Variants in NTM observed in about 807,000 individuals in gnomAD.
The protein encoded by NTM is IgLON family member 2.
NTM carries 13 observed loss-of-function variants against 42.1 expected under a neutral mutation model. That is an observed-to-expected ratio of 0.31 (90% CI 0.20 to 0.49). The LOEUF is 0.49. Ranked by LOEUF, NTM falls within the 20% of genes least tolerant of loss-of-function variation. The pLI is 0.99. For synonymous variants in NTM, 187 were observed against 179.2 expected, an observed-to-expected ratio of 1.04 and a Z score of -0.35; for missense variants, 373 against 452.8, an observed-to-expected ratio of 0.82 and a Z score of 1.60.
chr11:131,809,778 C>A (rs999702073), intron 1 of NTM, among the ~76,000 whole-genome samples: 1 of 152,168 alleles, frequency 6.6e-6, no homozygotes, highest in African/African-American at 2.4e-5. Context: ...TTGTCAAAGA[C>A]GTGGGCCAGG....
intron 1 of NTM, among the ~76,000 whole-genome samples, chr11:131,826,984 T>C (rs947353024): frequency 2.6e-5 from 4 of 151,966 alleles, no homozygotes; most frequent in Non-Finnish European, 4.4e-5. Context: ...TGGCTGGAGG[T>C]GGTAGTGCCC....
chr11:132,131,096 T>C (rs2066739340), intron 2 of NTM, among the ~76,000 whole-genome samples: 1 of 152,382 alleles, frequency 6.6e-6, no homozygotes. Flanking sequence ...ATGAAATGTC[T>C]GCTGCATTCT....
intron 1 of NTM, among the ~76,000 whole-genome samples, chr11:131,415,787 G>A (rs916334541): frequency 3.3e-5 from 5 of 152,184 alleles, no homozygotes; most frequent in African/African-American, 2.4e-5. Context: ...CCTAAACCAC[G>A]ATGACTCTTG....
chr11:132,320,662 G>A (rs1303726445), intron 7 of NTM, among the ~76,000 whole-genome samples: 1 of 152,170 alleles, frequency 6.6e-6, no homozygotes, highest in Non-Finnish European at 1.5e-5. Context: ...CTCGAACTGG[G>A]TGGAGCCCAC....
At chr11:132,233,145 G>A (rs1028962866) in intron 4 of NTM, among the ~76,000 whole-genome samples, 3 of 152,140 alleles carry the variant, frequency 2.0e-5, no homozygotes, top group Non-Finnish European at 4.4e-5. Context: ...AGACAGGCAC[G>A]GGGACTCACG....
intron 2 of NTM, among the ~76,000 whole-genome samples, chr11:131,916,997 AAAT>A (rs1178979060): frequency 1.3e-5 from 2 of 152,192 alleles, no homozygotes; most frequent in African/African-American, 2.4e-5. Context: ...TACCAAATCA[AAAT>A]AATCCTCTAC....
In NTM at chr11:132,091,793, T is replaced by C. The variant is rs532035618; in HGVS notation, c.168-54489T>C. Among the ~76,000 whole-genome samples the C allele has an allele frequency of 2.6e-5, 4 of 152,336 alleles. No homozygotes were observed. The East Asian group carries it at 7.7e-4, about 29-fold the overall frequency. On this transcript the variant is annotated intron_variant, in intron 2 of 8. Coordinates refer to ENST00000683400, the MANE Select transcript of NTM (RefSeq NM_001352005.2). ...CACCATGCCCAGTCCCACGTGTTTTTATTACCTGTTTAACTTTACCATTAT... is the reference window on the plus strand; with the variant it reads ...CACCATGCCCAGTCCCACGTGTTTTCATTACCTGTTTAACTTTACCATTAT...
chr11:131,633,111 G>T (rs1323081674), intron 1 of NTM, among the ~76,000 whole-genome samples: 1 of 152,144 alleles, frequency 6.6e-6, no homozygotes, highest in Non-Finnish European at 1.5e-5. Context: ...CACATCAGCT[G>T]AGCCTGTTTG....
intron 3 of NTM, among the ~76,000 whole-genome samples, chr11:132,162,997 C>A (rs557388588): frequency 1.3e-5 from 2 of 149,880 alleles, no homozygotes; most frequent in African/African-American, 4.8e-5. Context: ...ACCTAACTCT[C>A]CCCTGGTCCA....
At chr11:131,915,773 G>T (rs1239290795) in intron 2 of NTM, among the ~76,000 whole-genome samples, 3 of 152,204 alleles carry the variant, frequency 2.0e-5, no homozygotes, top group Non-Finnish European at 2.9e-5. Flanking sequence ...AAAGCCAAGA[G>T]AAAGGGGAAA....
intron 1 of NTM, among the ~76,000 whole-genome samples, chr11:131,483,611 C>T (rs1953849230): frequency 6.6e-6 from 1 of 152,214 alleles, no homozygotes; most frequent in Non-Finnish European, 1.5e-5. Context: ...GCTCCCCTTG[C>T]CAGGCTCATC....
Position 132,141,880 on chromosome 11 carries a change from G to A in NTM, c.168-4402G>A, listed in dbSNP as rs760808423. 3.9e-5 allele frequency among the ~76,000 whole-genome samples: 6 copies of A among 152,188 alleles called. No individual in the cohort carries two copies. The South Asian group carries it at 6.2e-4, about 16-fold the overall frequency. The stretch of plus-strand genomic sequence containing the variant: ...GGGCCACACACAGGAGGGGAAGGCC[G>A]CAGGAGGGATGCTGATGGGAAAACC... On this transcript the variant is annotated intron_variant, in intron 2 of 8. Transcript: ENST00000683400.
At chr11:132,286,554 C>A (rs77983863) in intron 4 of NTM, among the ~76,000 whole-genome samples, 6,246 of 152,180 alleles carry the variant, frequency 0.041, 413 homozygotes, top group African/African-American at 0.14. Flanking sequence ...CAATGCGCAA[C>A]TTTGGCCCAC....
intron 2 of NTM, among the ~76,000 whole-genome samples, chr11:132,049,079 T>C (rs1276482529): frequency 2.6e-5 from 4 of 152,078 alleles, no homozygotes; most frequent in Admixed American, 6.5e-5. Flanking sequence ...GGAAATGCAA[T>C]TGAAGGGAAA....
At chr11:131,468,814 G>C (rs1952144355) in intron 1 of NTM, among the ~76,000 whole-genome samples, 1 of 152,198 alleles carries the variant, frequency 6.6e-6, no homozygotes, top group South Asian at 2.1e-4. Context: ...GGAACTTTCT[G>C]TTTTGACAGC....
chr11:131,644,045 G>T (rs1466783152), intron 1 of NTM, among the ~76,000 whole-genome samples: 1 of 152,192 alleles, frequency 6.6e-6, no homozygotes, highest in African/African-American at 2.4e-5. Flanking sequence ...GTGGTGTCAG[G>T]GGAATGGATT....
intron 2 of NTM, among the ~76,000 whole-genome samples, chr11:131,992,118 G>A (rs2067131314): frequency 6.6e-6 from 1 of 152,120 alleles, no homozygotes; most frequent in Non-Finnish European, 1.5e-5. Context: ...CCCTGAGACA[G>A]CAAGACCAGT....
chr11:131,636,613 C>T (rs925942359), intron 1 of NTM, among the ~76,000 whole-genome samples: 5 of 152,200 alleles, frequency 3.3e-5, no homozygotes, highest in African/African-American at 7.2e-5. Flanking sequence ...CTTGCAGTCG[C>T]CCCTGCAGAC....
chr11:131,848,755 G>A (rs867069881), intron 1 of NTM, among the ~76,000 whole-genome samples: 3 of 152,036 alleles, frequency 2.0e-5, no homozygotes, highest in African/African-American at 4.8e-5. Context: ...GCCCCAAATC[G>A]CACACCTAGG....
Sources: allele counts gnomAD v4.1 joint callset (sites outside exome capture counted in the v4.1 genomes callset), GRCh38; gene constraint gnomAD v4.1.1; transcripts MANE v1.5; gene names NCBI Gene and HGNC (gene_info 2026-07-23, HGNC 2026-07-21).